The following CDC42BPA variants were observed in gnomAD, a reference collection of about 807,000 sequenced individuals.
CDC42BPA encodes CDC42 binding protein kinase alpha.
CDC42BPA carries 80 observed loss-of-function variants against 223.5 expected under a neutral mutation model. The observed-to-expected ratio is 0.36, with a 90% CI of 0.30 to 0.43. The LOEUF (loss-of-function observed/expected upper bound fraction) is 0.43, where lower values mean the gene tolerates loss of function less well. Ranked by LOEUF, CDC42BPA falls within the 20% of genes least tolerant of loss-of-function variation. The pLI is 1.00. For missense variants in CDC42BPA, 1,743 were observed against 2,099.9 expected, an observed-to-expected ratio of 0.83 and a Z score of 3.32; for synonymous variants, 694 against 718.6, an observed-to-expected ratio of 0.97 and a Z score of 0.55.
chr1:227,034,785 G>A lies in CDC42BPA; in HGVS notation c.3346C>T (p.Pro1116Ser). 1 of 1,592,324 alleles carries A rather than the reference G, an allele frequency of 6.3e-7. No homozygotes were observed. The highest frequency in any genetic ancestry group is 8.5e-7 in the Non-Finnish European group (1 of 1,173,058). Reference sequence around the variant, plus strand: ...TGCCACCCTTTCTTCACTCCAGCTGGCTTAGGAATCTTAGTTTTGTTTTAG... The same window carrying A: ...TGCCACCCTTTCTTCACTCCAGCTGACTTAGGAATCTTAGTTTTGTTTTAG... ...AYEGHVRIPKPAGVKKGWQRA... is the reference protein window; with the variant it reads ...AYEGHVRIPKSAGVKKGWQRA... Residue 1116 changes from proline (P) to serine (S), a missense_variant, in exon 26 of 37, where the codon CCA (proline) becomes TCA (serine). By Grantham distance (74) the Pro-to-Ser change is moderately conservative. Coordinates refer to ENST00000366766, the MANE Select transcript of CDC42BPA (RefSeq NM_001394014.1).
chr1:227,068,721 A>C, intron 21 of CDC42BPA: 3 of 1,057,450 alleles, frequency 2.8e-6, no homozygotes, highest in Non-Finnish European at 3.7e-6. Context: ...GAATACAGCA[A>C]TAAAAAAATA....
At chr1:227,107,719 T>G (rs1046016562) in intron 14 of CDC42BPA, among the ~76,000 whole-genome samples, 6 of 152,078 alleles carry the variant, frequency 3.9e-5, no homozygotes, top group Non-Finnish European at 8.8e-5. Context: ...GGTTGTGGAG[T>G]GCAGGAGGGT....
chr1:227,251,393 AAAAC>A (rs1412956975), intron 2 of CDC42BPA, among the ~76,000 whole-genome samples: 1 of 152,192 alleles, frequency 6.6e-6, no homozygotes, highest in African/African-American at 2.4e-5. Flanking sequence ...AAATGAGAGA[AAAAC>A]AACACAAAAT....
At chr1:227,062,954 T>G (rs1676236875) in intron 21 of CDC42BPA, among the ~76,000 whole-genome samples, 1 of 152,124 alleles carries the variant, frequency 6.6e-6, no homozygotes, top group Admixed American at 6.5e-5. Context: ...AAAAACAAGT[T>G]AAAATGTCTC....
At chr1:227,142,597 T>C (rs1454335645) in intron 9 of CDC42BPA, among the ~76,000 whole-genome samples, 1 of 151,568 alleles carries the variant, frequency 6.6e-6, no homozygotes, top group Non-Finnish European at 1.5e-5. Flanking sequence ...CAATTTAATT[T>C]GCTTTAAATT....
At chr1:227,153,848 G>A (rs1662238866) in intron 6 of CDC42BPA, among the ~76,000 whole-genome samples, 1 of 151,880 alleles carries the variant, frequency 6.6e-6, no homozygotes, top group Non-Finnish European at 1.5e-5. Flanking sequence ...ACAGACAACT[G>A]TACTATAAAC....
At chr1:227,083,387 A>G (rs749156442) in intron 16 of CDC42BPA, among the ~76,000 whole-genome samples, 1 of 152,098 alleles carries the variant, frequency 6.6e-6, no homozygotes, top group Non-Finnish European at 1.5e-5. Flanking sequence ...TGGAAATTCT[A>G]TTTGACAGTT....
chr1:227,060,719 T>C (rs76115950), intron 21 of CDC42BPA, among the ~76,000 whole-genome samples: 1 of 93,340 alleles, frequency 1.1e-5, no homozygotes, highest in Admixed American at 9.4e-5. Context: ...AATAGGTACT[T>C]TTTTTTTTTT....
At chr1:227,123,947 T>C (rs1483146827) in intron 11 of CDC42BPA, among the ~76,000 whole-genome samples, 1 of 152,018 alleles carries the variant, frequency 6.6e-6, no homozygotes, top group Non-Finnish European at 1.5e-5. Flanking sequence ...AACGAGAGTC[T>C]CAGAAGTACA....
Position 227,196,338 on chromosome 1 carries a change from CTTTTTTT to C in CDC42BPA, c.451-2411_451-2405del, listed in dbSNP as rs34352900. Among the ~76,000 whole-genome samples, 12 of 92,352 alleles carry C rather than the reference CTTTTTTT, an allele frequency of 1.3e-4. 1 individual carries two copies. The highest frequency in any genetic ancestry group is 1.9e-4 in the African/African-American group (4 of 21,190). 60.6% of individuals were successfully genotyped at this position (92,352 alleles called of 152,430 possible). ...GCTTTCTTTTTACTATTAAACAATA[CTTTTTTT>C]TTTTTTTTTTTTGAGACAGAGTCTC... On this transcript the variant is annotated intron_variant, in intron 4 of 36. Coordinates refer to ENST00000366766, the MANE Select transcript of CDC42BPA (RefSeq NM_001394014.1).
At chr1:226,997,078 G>A (rs1006067803) in intron 35 of CDC42BPA, among the ~76,000 whole-genome samples, 10 of 152,164 alleles carry the variant, frequency 6.6e-5, no homozygotes, top group African/African-American at 2.4e-4. Context: ...CTGTGAATCT[G>A]CCTGGTCCTG....
At chr1:226,999,193 T>G (rs1662268804) in intron 35 of CDC42BPA, among the ~76,000 whole-genome samples, 1 of 151,652 alleles carries the variant, frequency 6.6e-6, no homozygotes, top group African/African-American at 2.4e-5. Flanking sequence ...TTTTTTTTTT[T>G]TGAGACACAG....
At chr1:227,310,039 T>C (rs1268468406) in intron 1 of CDC42BPA, among the ~76,000 whole-genome samples, 1 of 152,170 alleles carries the variant, frequency 6.6e-6, no homozygotes, top group Non-Finnish European at 1.5e-5. Flanking sequence ...ATATCCCAAA[T>C]TTCTCTCAAA....
At chr1:227,167,638 G>A (rs1665272739) in intron 5 of CDC42BPA, among the ~76,000 whole-genome samples, 1 of 149,524 alleles carries the variant, frequency 6.7e-6, no homozygotes, top group Non-Finnish European at 1.5e-5. Flanking sequence ...TTCCTTGGAA[G>A]TACCTGTCAT....
chr1:227,135,952 A>C (rs938490034), intron 10 of CDC42BPA, among the ~76,000 whole-genome samples: 6 of 151,492 alleles, frequency 4.0e-5, no homozygotes, highest in African/African-American at 1.5e-4. Context: ...AAAAGGGAGA[A>C]ACCTCTCTGG....
intron 1 of CDC42BPA, among the ~76,000 whole-genome samples, chr1:227,296,101 A>G (rs1427856753): frequency 6.6e-6 from 1 of 152,196 alleles, no homozygotes; most frequent in Non-Finnish European, 1.5e-5. Flanking sequence ...ACCCTTTTCA[A>G]TTTCAAAACT....
rs965303445 is a variant in CDC42BPA at position 226,994,492 on chromosome 1, G to C, written c.5134-93C>G. 7.2e-7 allele frequency: 1 copy of C among 1,395,258 alleles called. No individual in the cohort carries two copies. Among genetic ancestry groups the C allele is most frequent in the African/African-American group, 1.5e-5 (1 of 68,424 alleles). 86.4% of individuals were successfully genotyped at this position (1,395,258 alleles called of 1,614,324 possible). On this transcript the variant is annotated intron_variant, in intron 36 of 36. Coordinates refer to ENST00000366766, the MANE Select transcript of CDC42BPA (RefSeq NM_001394014.1). This position sits in a 1 kb window ranked among gnomAD's most constrained non-coding sequence, Gnocchi z 4.0. ...TACCACCGCCCCCTCCAGCCACCCT[G>C]ACCAAATAACCCCATGGGGCGGCCT... is the stretch of plus-strand genomic sequence containing the variant.
At chr1:227,254,571 C>T (rs1432112178) in intron 1 of CDC42BPA, among the ~76,000 whole-genome samples, 1 of 152,198 alleles carries the variant, frequency 6.6e-6, no homozygotes, top group African/African-American at 2.4e-5. Context: ...TTCTTTCACG[C>T]TCATTCATTT....
intron 21 of CDC42BPA, among the ~76,000 whole-genome samples, chr1:227,067,981 T>C (rs1159933268): frequency 3.3e-5 from 5 of 152,058 alleles, no homozygotes; most frequent in African/African-American, 1.2e-4. Flanking sequence ...TGCCAGGTAG[T>C]AAAGAGAATG....
Sources: allele counts gnomAD v4.1 joint callset (sites outside exome capture counted in the v4.1 genomes callset), GRCh38; gene constraint gnomAD v4.1.1; non-coding constraint Gnocchi (gnomAD v3.1); transcripts MANE v1.5; gene names NCBI Gene and HGNC (gene_info 2026-07-23, HGNC 2026-07-21).